The following LRP1B variants were observed in gnomAD, a reference collection of about 807,000 sequenced individuals.
The protein encoded by LRP1B is LDL receptor related protein 1B, also known as low-density lipoprotein receptor-related protein 1B.
LRP1B carries 217 observed loss-of-function variants against 556.6 expected under a neutral mutation model. The observed-to-expected ratio is 0.39, with a 90% CI of 0.35 to 0.44. LRP1B has a LOEUF of 0.44. Among genes scored for constraint, LRP1B ranks in the 20% least tolerant of loss-of-function variants. LRP1B has a pLI of 1.00. For missense variants in LRP1B, 5,053 were observed against 5,620.8 expected (o/e 0.90, Z 3.23); for synonymous variants, 2,047 against 1,865.8 (o/e 1.10, Z -2.50).
chr2:140,324,870 C>A (rs1680379260), intron 80 of LRP1B, among the ~76,000 whole-genome samples: 1 of 136,822 alleles, frequency 7.3e-6, no homozygotes. Context: ...GGGATCTGAA[C>A]TTTTTTTTTT....
At chr2:141,722,747 T>C (rs1315420269) in intron 2 of LRP1B, among the ~76,000 whole-genome samples, 1 of 151,750 alleles carries the variant, frequency 6.6e-6, no homozygotes, top group Non-Finnish European at 1.5e-5. Flanking sequence ...GATAGATAGA[T>C]AGATAGATAG....
At chr2:140,512,441 G>A (rs1365685215) in intron 51 of LRP1B, among the ~76,000 whole-genome samples, 1 of 152,116 alleles carries the variant, frequency 6.6e-6, no homozygotes, top group Non-Finnish European at 1.5e-5. Flanking sequence ...CGAGGGAGAA[G>A]AAAGACAAGT....
At chr2:141,591,329 T>C (rs2105294661) in intron 2 of LRP1B, among the ~76,000 whole-genome samples, 1 of 146,706 alleles carries the variant, frequency 6.8e-6, no homozygotes, top group South Asian at 2.3e-4. Flanking sequence ...AAGACTTGGT[T>C]TTAGTACTGG....
At chr2:140,644,557 C>G (rs768561238) in intron 41 of LRP1B, among the ~76,000 whole-genome samples, 4 of 151,992 alleles carry the variant, frequency 2.6e-5, no homozygotes. Flanking sequence ...GTCACCATGC[C>G]TGGCTAATTT....
intron 32 of LRP1B, among the ~76,000 whole-genome samples, chr2:140,779,127 T>C (rs2171169): frequency 0.82 from 125,120 of 151,804 alleles, 52,041 homozygotes; most frequent in East Asian, 0.99. Context: ...TTGAGGACGA[T>C]GGTTTCAAGT....
At chr2:140,602,450 T>C (rs1280881393) in intron 41 of LRP1B, among the ~76,000 whole-genome samples, 1 of 152,098 alleles carries the variant, frequency 6.6e-6, no homozygotes, top group East Asian at 1.9e-4. Flanking sequence ...TTTTCCTACA[T>C]GTTATTTGCT....
intron 7 of LRP1B, among the ~76,000 whole-genome samples, chr2:141,166,946 A>G (rs962422148): frequency 7.2e-5 from 11 of 152,002 alleles, no homozygotes; most frequent in Admixed American, 1.3e-4. Flanking sequence ...CAATTATAAC[A>G]TAATATATTC....
At chr2:141,577,135 T>C (rs72855418) in intron 2 of LRP1B, among the ~76,000 whole-genome samples, 11,759 of 152,240 alleles carry the variant, frequency 0.077, 561 homozygotes, top group South Asian at 0.14. Flanking sequence ...TCAGTGATTT[T>C]TAAATATATT....
intron 1 of LRP1B, among the ~76,000 whole-genome samples, chr2:141,822,222 C>T (rs577448490): frequency 2.0e-5 from 3 of 151,408 alleles, no homozygotes; most frequent in Admixed American, 1.3e-4. Flanking sequence ...TGGAATAAAG[C>T]TGACACATTC....
At chr2:141,742,821 G>C (rs577551604) in intron 2 of LRP1B, among the ~76,000 whole-genome samples, 1 of 152,026 alleles carries the variant, frequency 6.6e-6, no homozygotes, top group Non-Finnish European at 1.5e-5. Flanking sequence ...CATTGTACAA[G>C]CTTTCATTTC....
chr2:141,243,811 G>A (rs758112280), intron 5 of LRP1B, among the ~76,000 whole-genome samples: 17 of 152,070 alleles, frequency 1.1e-4, no homozygotes, highest in Non-Finnish European at 1.9e-4. Context: ...GAGAAAATTT[G>A]TCTGCATTAC....
chr2:141,668,368 C>A (rs1277652508), intron 2 of LRP1B, among the ~76,000 whole-genome samples: 5 of 152,164 alleles, frequency 3.3e-5, no homozygotes, highest in African/African-American at 1.2e-4. Flanking sequence ...AACAGGCATT[C>A]CTGTTTTTGT....
At chr2:141,164,701 TC>T (rs924647461) in intron 7 of LRP1B, among the ~76,000 whole-genome samples, 2 of 152,034 alleles carry the variant, frequency 1.3e-5, no homozygotes, top group Non-Finnish European at 2.9e-5. Flanking sequence ...AACAAACAGA[TC>T]CTGCTGAAAT....
At chr2:141,440,054 G>A (rs11685467) in intron 3 of LRP1B, among the ~76,000 whole-genome samples, 35,605 of 151,878 alleles carry the variant, frequency 0.23, 4,291 homozygotes, top group South Asian at 0.32. Context: ...CAACAACAAC[G>A]TGAATTCCTT....
intron 10 of LRP1B, among the ~76,000 whole-genome samples, chr2:141,054,393 C>T (rs545341493): frequency 8.6e-5 from 13 of 151,826 alleles, no homozygotes; most frequent in Non-Finnish European, 1.6e-4. Flanking sequence ...CAATCAGGGC[C>T]GTTCTACTAT....
In LRP1B at chr2:140,314,951, G is replaced by C. The variant is rs745340239; in HGVS notation, c.12789C>G (p.Cys4263Trp). 6.2e-7 allele frequency: 1 copy of C among 1,604,302 alleles called. No homozygotes were observed. The highest frequency in any genetic ancestry group is 8.5e-7 in the Non-Finnish European group (1 of 1,175,048). The change falls in exon 83 of 91, where the codon TGC becomes TGG. Residue 4263 changes from cysteine (C) to tryptophan (W), a missense_variant. Cys to Trp is a radical substitution (Grantham distance 215). Around this residue, in one of 5 missense-constraint regions of LRP1B, gnomAD observed 551 missense variants for 592.0 expected, o/e 0.93. Transcript: ENST00000389484. ...AATATTTACCTAGAACTGATGGTAC[G>C]CAAGTTCCTCCATTCTGGCAGTAGT... ...CSNYCQNGGT[C>W]VPSVLGRPTC...
intron 11 of LRP1B, among the ~76,000 whole-genome samples, chr2:141,032,307 A>T (rs1056295700): frequency 2.0e-5 from 3 of 152,092 alleles, no homozygotes; most frequent in African/African-American, 7.2e-5. Context: ...CCAATTTATG[A>T]TTACAAATAA....
In LRP1B at chr2:140,951,730, C is replaced by G. The variant is rs887133555; in HGVS notation, c.2968+130G>C. 220 of 652,378 alleles carry G rather than the reference C, an allele frequency of 3.4e-4. 1 individual carries two copies. The highest frequency in any genetic ancestry group is 8.5e-5 in the Non-Finnish European group (31 of 366,750). 40.4% of individuals were successfully genotyped at this position (652,378 alleles called of 1,614,324 possible). A position where few individuals can be genotyped will look rare whatever the true frequency, so the allele number is the denominator to read the frequency against. ...TGATGTGCTGCTAGCTGCCCGCTCA[C>G]CACTTGTTTTAGCCGTTTTTCTTGG... is the stretch of plus-strand genomic sequence containing the variant. On this transcript the variant is annotated intron_variant, in intron 19 of 90. Transcript: ENST00000389484.
rs557720003 is a variant in LRP1B at position 141,641,984 on chromosome 2, C to A, written c.206-161451G>T. 1.3e-4 allele frequency among the ~76,000 whole-genome samples: 19 copies of A among 151,018 alleles called. No homozygotes were observed. In the South Asian group the frequency reaches 3.8e-3, roughly 30 times the overall value. On this transcript the variant is annotated intron_variant, in intron 2 of 90. Transcript: ENST00000389484. ...ATATTTGTTGATATAGCATGCAAAA[C>A]AAACAAACAAACAAACAAACAAAAC...
Sources: allele counts gnomAD v4.1 joint callset (sites outside exome capture counted in the v4.1 genomes callset), GRCh38; gene constraint gnomAD v4.1.1; regional missense constraint gnomAD v4.1.1; transcripts MANE v1.5; gene names NCBI Gene and HGNC (gene_info 2026-07-23, HGNC 2026-07-21).